Variants in GRIP1 observed in about 807,000 individuals in gnomAD.
GRIP1 encodes glutamate receptor-interacting protein 1.
In GRIP1, 45 loss-of-function variants were observed where a neutral mutation model predicts 129.9. That is an observed-to-expected ratio of 0.35 (90% CI 0.27 to 0.44). The LOEUF (loss-of-function observed/expected upper bound fraction) is 0.44, where lower values mean the gene tolerates loss of function less well. Among genes scored for constraint, GRIP1 ranks in the 20% least tolerant of loss-of-function variants. The pLI, the probability that GRIP1 is intolerant of heterozygous loss-of-function variation, is 1.00. For synonymous variants in GRIP1, 530 were observed against 520.8 expected (o/e 1.02, Z -0.24); for missense variants, 1,196 against 1,396.8 (o/e 0.86, Z 2.29).
chr12:66,451,583 T>C (rs559135518), intron 11 of GRIP1, among the ~76,000 whole-genome samples: 30 of 152,016 alleles, frequency 2.0e-4, no homozygotes, highest in African/African-American at 6.5e-4. Flanking sequence ...TTTTCTTTTC[T>C]CTTTTTTGTA....
chr12:66,393,633 G>T (rs569965553), intron 17 of GRIP1, among the ~76,000 whole-genome samples: 57 of 152,270 alleles, frequency 3.7e-4, no homozygotes, highest in African/African-American at 1.3e-3. Context: ...TTTGTTATAT[G>T]TCCAACAACA....
chr12:66,364,801 C>T (rs1168343), intron 23 of GRIP1, among the ~76,000 whole-genome samples: 74,504 of 151,888 alleles, frequency 0.49, 18,708 homozygotes, highest in East Asian at 0.58. Flanking sequence ...CTCAAAAGAA[C>T]GCAACAGCTT....
chr12:66,590,083 T>G (rs1336794915), intron 2 of GRIP1, among the ~76,000 whole-genome samples: 3 of 152,104 alleles, frequency 2.0e-5, no homozygotes, highest in African/African-American at 7.2e-5. Context: ...CCTCTAAAAT[T>G]TTTCTGACAC....
At chr12:66,612,894 A>AT (rs953136198) in intron 1 of GRIP1, among the ~76,000 whole-genome samples, 5 of 152,166 alleles carry the variant, frequency 3.3e-5, no homozygotes, top group Admixed American at 3.3e-4. Context: ...GCAAATGAAG[A>AT]TTTTTAAAAG....
Position 66,489,529 on chromosome 12 carries a change from G to A in GRIP1, c.725-24107C>T, listed in dbSNP as rs546285766. Reference sequence around the variant, plus strand: ...ATATCATACTGAATGGGCAAAAGCTGGAAGCATTCACCTTAAAAACTGGCA... The same window carrying A: ...ATATCATACTGAATGGGCAAAAGCTAGAAGCATTCACCTTAAAAACTGGCA... On this transcript the variant is annotated intron_variant, in intron 7 of 24. Coordinates refer to ENST00000359742, the MANE Select transcript of GRIP1 (RefSeq NM_001366722.1). Among the ~76,000 whole-genome samples the A allele has an allele frequency of 2.0e-5, 3 of 152,198 alleles. No homozygotes were observed. In the East Asian group the frequency reaches 5.8e-4, roughly 29 times the overall value.
At chr12:66,754,710 A>T (rs1345830304) in intron 1 of GRIP1, among the ~76,000 whole-genome samples, 3 of 152,176 alleles carry the variant, frequency 2.0e-5, no homozygotes, top group African/African-American at 7.2e-5. Context: ...TTGATTCTCA[A>T]GCCAAAATCA....
intron 1 of GRIP1, among the ~76,000 whole-genome samples, chr12:66,675,883 TC>T (rs546581753): frequency 6.6e-6 from 1 of 152,206 alleles, no homozygotes; most frequent in Non-Finnish European, 1.5e-5. Context: ...TTGCTCTTGT[TC>T]TACATTGGTA....
intron 1 of GRIP1, among the ~76,000 whole-genome samples, chr12:67,052,359 A>G (rs1028421654): frequency 6.6e-6 from 1 of 152,218 alleles, no homozygotes; most frequent in South Asian, 2.1e-4. Context: ...ATTGTTTTGT[A>G]TAGGATCTTG....
At chr12:66,911,633 G>C (rs2041031197) in intron 1 of GRIP1, among the ~76,000 whole-genome samples, 1 of 152,100 alleles carries the variant, frequency 6.6e-6, no homozygotes. Flanking sequence ...CTAGAATCAA[G>C]AAAATAGTAT....
At chr12:67,067,084 G>A (rs1162875898) in intron 1 of GRIP1, among the ~76,000 whole-genome samples, 1 of 151,872 alleles carries the variant, frequency 6.6e-6, no homozygotes, top group Non-Finnish European at 1.5e-5. Context: ...AAGTGAGAAA[G>A]AAGAAACCTT....
chr12:66,774,714 G>C (rs1031770406), intron 1 of GRIP1, among the ~76,000 whole-genome samples: 1 of 152,164 alleles, frequency 6.6e-6, no homozygotes, highest in Non-Finnish European at 1.5e-5. Context: ...GTAAGATAGA[G>C]TGGGACTGGA....
chr12:66,516,878 G>A (rs143684493), intron 6 of GRIP1, among the ~76,000 whole-genome samples: 187 of 152,236 alleles, frequency 1.2e-3, no homozygotes, highest in Non-Finnish European at 1.6e-3. Flanking sequence ...CAAAGGAAAA[G>A]AAGCCTGAAT....
chr12:66,497,016 A>G (rs1181967184), intron 7 of GRIP1, among the ~76,000 whole-genome samples: 1 of 152,208 alleles, frequency 6.6e-6, no homozygotes, highest in Non-Finnish European at 1.5e-5. Context: ...GGAAGAGTAA[A>G]TGTGCACTCT....
intron 11 of GRIP1, among the ~76,000 whole-genome samples, chr12:66,451,511 C>T (rs1808529720): frequency 6.7e-6 from 1 of 148,330 alleles, no homozygotes; most frequent in African/African-American, 2.5e-5. Context: ...TCAAGCGATC[C>T]TTCCACCTCA....
intron 1 of GRIP1, among the ~76,000 whole-genome samples, chr12:66,787,887 TG>T (rs772462974): frequency 1.3e-5 from 2 of 152,174 alleles, no homozygotes; most frequent in South Asian, 4.1e-4. Flanking sequence ...AAGGGTGCCG[TG>T]GGCCTTAGTG....
At chr12:67,026,235 TAAAG>T (rs1310512414) in intron 1 of GRIP1, among the ~76,000 whole-genome samples, 1 of 152,210 alleles carries the variant, frequency 6.6e-6, no homozygotes, top group Non-Finnish European at 1.5e-5. Context: ...TTGAAAAACA[TAAAG>T]AAGAAAACAA....
chr12:67,007,257 G>C (rs1177923946), intron 1 of GRIP1, among the ~76,000 whole-genome samples: 1 of 152,062 alleles, frequency 6.6e-6, no homozygotes, highest in Non-Finnish European at 1.5e-5. Flanking sequence ...AAGTAAAAAA[G>C]AACACTCCGT....
At position 66,462,970 on chromosome 12, in the gene GRIP1, G is replaced by T. The variant is rs1305740528; in HGVS notation, c.996C>A (p.Ile332=). The change falls in exon 9 of 25, where the codon ATC becomes ATA. Residue 332 remains isoleucine, a synonymous_variant. Coordinates refer to ENST00000359742, the MANE Select transcript of GRIP1 (RefSeq NM_001366722.1). The stretch of plus-strand genomic sequence containing the variant: ...CCAGCCGGGTCTGATGATGGGGAAG[G>T]ATCTCAAGCTTGACCTGGTCAGTGG... The part of the protein sequence containing the change: ...ANTTDQVKLE[I]LPHHQTRLAL... 11 of 1,613,968 alleles carry T rather than the reference G, an allele frequency of 6.8e-6. No homozygotes were observed. Among genetic ancestry groups the T allele is most frequent in the Non-Finnish European group, 9.3e-6 (11 of 1,180,004 alleles).
chr12:66,385,917 T>C (rs1286180306), intron 19 of GRIP1, among the ~76,000 whole-genome samples: 1 of 152,136 alleles, frequency 6.6e-6, no homozygotes, highest in Admixed American at 6.5e-5. Context: ...CCTCCTTTGG[T>C]TTAGAATTGG....
Sources: allele counts gnomAD v4.1 joint callset (sites outside exome capture counted in the v4.1 genomes callset), GRCh38; gene constraint gnomAD v4.1.1; transcripts MANE v1.5; gene names NCBI Gene and HGNC (gene_info 2026-07-23, HGNC 2026-07-21).